The following ACBD4 variants were observed in gnomAD, a reference collection of about 807,000 sequenced individuals.
ACBD4 encodes acyl-CoA-binding domain-containing protein 4.
A neutral mutation model predicts 46.0 loss-of-function variants in ACBD4; 41 were observed. That is an observed-to-expected ratio of 0.89 (90% CI 0.69 to 1.16). The LOEUF (loss-of-function observed/expected upper bound fraction) is 1.16, where lower values mean the gene tolerates loss of function less well. ACBD4 is among the 50% of genes most tolerant of loss of function. The pLI, the probability that ACBD4 is intolerant of heterozygous loss-of-function variation, is 0.00. For missense variants in ACBD4, 393 were observed against 399.5 expected (o/e 0.98, Z 0.14); for synonymous variants, 162 against 155.9 (o/e 1.04, Z -0.29).
At chr17:45,132,106 A>C, upstream of ACBD4, 1 of 927,172 alleles carries the variant, frequency 1.1e-6, no homozygotes, top group Non-Finnish European at 1.4e-6. This position sits in a 1 kb window ranked among gnomAD's most constrained non-coding sequence, Gnocchi z 4.6. Flanking sequence ...CCCCAGCTGG[A>C]GGGAGCTGGC....
intron 9 of ACBD4, chr17:45,142,518 T>C: frequency 3.8e-6 from 1 of 260,924 alleles, no homozygotes; most frequent in Non-Finnish European, 7.8e-6. Flanking sequence ...GCTCATGGAT[T>C]TCACAGATTC....
chr17:45,139,818 A>G (rs946669221), intron 9 of ACBD4, among the ~76,000 whole-genome samples: 4 of 152,214 alleles, frequency 2.6e-5, no homozygotes, highest in Non-Finnish European at 2.9e-5. Context: ...TCAACCATGC[A>G]TGTTGGTGCT....
upstream of ACBD4, among the ~76,000 whole-genome samples, chr17:45,134,555 T>A (rs568089881): frequency 6.6e-6 from 1 of 152,168 alleles, no homozygotes; most frequent in Non-Finnish European, 1.5e-5. Flanking sequence ...GGTCGGCGGA[T>A]CACGAGGTCA....
At chr17:45,132,202 T>C, upstream of ACBD4, 1 of 1,242,984 alleles carries the variant, frequency 8.0e-7, no homozygotes, top group Non-Finnish European at 1.0e-6. The surrounding 1 kb of genome is among the most constrained non-coding windows in gnomAD (Gnocchi z 4.6). Context: ...ACTGGGCCTC[T>C]GGGAACGGTC....
At chr17:45,132,731 T>TGCTGCGGGGCTGGGGGTGGGAGCCG, upstream of ACBD4, 1 of 175,114 alleles carries the variant, frequency 5.7e-6, no homozygotes, top group African/African-American at 2.4e-5. This position sits in a 1 kb window ranked among gnomAD's most constrained non-coding sequence, Gnocchi z 4.6. Context: ...AGAGCCCCCA[T>TGCTGCGGGGCTGGGGGTGGGAGCCG]GCTGCGGGGC....
chr17:45,140,080 C>G (rs919346077), intron 9 of ACBD4, among the ~76,000 whole-genome samples: 1 of 152,246 alleles, frequency 6.6e-6, no homozygotes, highest in East Asian at 1.9e-4. Context: ...CAGGTGTGAG[C>G]CCACAGCAGC....
Position 45,136,585 on chromosome 17 carries a change from G to C in ACBD4, c.174G>C (p.Arg58=), listed in dbSNP as rs1467740860. The change falls in exon 3 of 10, where the codon CGG becomes CGC. Residue 58 remains arginine (R), a synonymous_variant. Transcript: ENST00000321854. ...CCATGGGGCCCTGCCTGGTCCCCCG[G>C]CCCGGGTTCTGGGACCCCATTGGAC... The part of the protein sequence containing the change: ...QATMGPCLVP[R]PGFWDPIGRY... 2.5e-6 allele frequency: 4 copies of C among 1,613,852 alleles called. No homozygotes were observed. Among genetic ancestry groups the C allele is most frequent in the Non-Finnish European group, 2.5e-6 (3 of 1,179,978 alleles).
intron 9 of ACBD4, among the ~76,000 whole-genome samples, chr17:45,139,874 T>G (rs1049305184): frequency 1.5e-4 from 23 of 152,204 alleles, no homozygotes; most frequent in Non-Finnish European, 2.8e-4. Context: ...TCGGTTCTGT[T>G]GCTACTATTG....
Position 45,137,073 on chromosome 17 carries a change from G to A in ACBD4, c.349G>A (p.Glu117Lys), listed in dbSNP as rs777072490. The A allele has an allele frequency of 4.3e-6, 7 of 1,613,972 alleles. No homozygotes were observed. Among genetic ancestry groups the A allele is most frequent in the Admixed American group, 3.3e-5 (2 of 59,996 alleles). The change falls in exon 5 of 10, where the codon GAG becomes AAG. Residue 117 changes from glutamate (E) to lysine (K), a missense_variant. Glu to Lys is a moderately conservative substitution (Grantham distance 56, BLOSUM62 1). This residue lies in a region of ACBD4 where 308 missense variants were observed against 301.8 expected (regional missense o/e 1.02). Transcript: ENST00000321854. ...GGCAGAGGACATGTTTGGTTACTTCGAGCCCCTGTACCAGGTGATCCCTGA... is the reference window on the plus strand; with the variant it reads ...GGCAGAGGACATGTTTGGTTACTTCAAGCCCCTGTACCAGGTGATCCCTGA... ...EVAEDMFGYF[E>K]PLYQVIPDMP...
In ACBD4 at chr17:45,143,740, C is replaced by A; in HGVS notation, c.*169C>A. 1 of 1,111,700 alleles carries A rather than the reference C, an allele frequency of 9.0e-7. No individual in the cohort carries two copies. Among genetic ancestry groups the A allele is most frequent in the Non-Finnish European group, 1.3e-6 (1 of 781,934 alleles). 68.9% of individuals were successfully genotyped at this position (1,111,700 alleles called of 1,614,324 possible). Reference sequence around the variant, plus strand: ...GCAAATAAGACCCCACCCCTCCCTGCAGCTTCACAGGGACGCTTCCTTCCC... The same window carrying A: ...GCAAATAAGACCCCACCCCTCCCTGAAGCTTCACAGGGACGCTTCCTTCCC... On this transcript the variant is annotated 3_prime_UTR_variant, in exon 10 of 10. Coordinates refer to ENST00000321854, the MANE Select transcript of ACBD4 (RefSeq NM_001135705.3).
chr17:45,140,705 A>AGAGTTG (rs1228553703), intron 9 of ACBD4, among the ~76,000 whole-genome samples: 1 of 151,424 alleles, frequency 6.6e-6, no homozygotes, highest in Non-Finnish European at 1.5e-5. Flanking sequence ...CCACCCCGAA[A>AGAGTTG]GAGTTGGGTT....
upstream of ACBD4, chr17:45,132,564 CGGGGCGGGGCGGGAAGGGAAG>C (rs1415304606): frequency 4.8e-5 from 1 of 20,898 alleles, no homozygotes. This position sits in a 1 kb window ranked among gnomAD's most constrained non-coding sequence, Gnocchi z 4.6. Flanking sequence ...GGAGGTGGGG[CGGGGCGGGGCGGGAAGGGAAG>C]GGGGCGGGGC....
At chr17:45,139,639 C>T (rs149667593) in intron 9 of ACBD4, among the ~76,000 whole-genome samples, 43 of 152,306 alleles carry the variant, frequency 2.8e-4, no homozygotes, top group African/African-American at 8.4e-4. Context: ...GCTGGAGCCC[C>T]GCTGGGTGCG....
At chr17:45,141,426 G>A (rs569144737) in intron 9 of ACBD4, among the ~76,000 whole-genome samples, 14 of 152,106 alleles carry the variant, frequency 9.2e-5, no homozygotes, top group Non-Finnish European at 1.8e-4. Flanking sequence ...GGTGGCTCAC[G>A]CCTGTAATCC....
chr17:45,132,796 C>G (rs1333733629), upstream of ACBD4: 2 of 156,524 alleles, frequency 1.3e-5, no homozygotes, highest in African/African-American at 4.8e-5. The surrounding 1 kb of genome is among the most constrained non-coding windows in gnomAD (Gnocchi z 4.6). Flanking sequence ...CAGACACCCT[C>G]TCCTTCCCGG....
intron 8 of ACBD4, chr17:45,138,338 C>T (rs1455748689): frequency 2.4e-6 from 1 of 410,668 alleles, no homozygotes; most frequent in Non-Finnish European, 4.5e-6. Flanking sequence ...TCTCAGAAGA[C>T]AATGAGTTCT....
intron 9 of ACBD4, among the ~76,000 whole-genome samples, chr17:45,140,740 T>C (rs1299253155): frequency 1.3e-5 from 2 of 151,404 alleles, no homozygotes; most frequent in East Asian, 1.9e-4. Context: ...AGGCTGGGCG[T>C]GGTGGCTCAC....
chr17:45,137,525 C>T (rs1363671160), intron 6 of ACBD4, 71 bp downstream of exon 6: 8 of 1,528,144 alleles, frequency 5.2e-6, no homozygotes, highest in African/African-American at 2.7e-5. Flanking sequence ...AGGCTGGATG[C>T]CACGCTGTGC....
chr17:45,140,336 C>T (rs2055191104), intron 9 of ACBD4, among the ~76,000 whole-genome samples: 1 of 151,052 alleles, frequency 6.6e-6, no homozygotes, highest in Admixed American at 6.6e-5. Context: ...GGCAGCACCA[C>T]CATGCCCAGA....
Sources: gnomAD v4.1 joint callset for allele counts (sites outside exome capture counted in the v4.1 genomes callset) on GRCh38, gnomAD v4.1.1 for gene constraint, gnomAD v4.1.1 regional missense constraint, Gnocchi (gnomAD v3.1) non-coding constraint, MANE v1.5 for transcripts, NCBI Gene and HGNC (gene_info 2026-07-23, HGNC 2026-07-21) for gene names.